Variants in COL19A1 observed in about 807,000 individuals in gnomAD.
COL19A1 encodes the protein collagen alpha-1(XIX) chain.
Under a neutral mutation model 190.2 loss-of-function variants are expected in COL19A1, and 159 were observed. That is an observed-to-expected ratio of 0.84 (90% CI 0.73 to 0.95). The LOEUF (loss-of-function observed/expected upper bound fraction) is 0.95, where lower values mean the gene tolerates loss of function less well. Ranked by LOEUF, COL19A1 falls within the 40% of genes least tolerant of loss-of-function variation. The pLI is 0.00. For synonymous variants in COL19A1, 509 were observed against 458.9 expected (o/e 1.11, Z -1.39); for missense variants, 1,418 against 1,431.9 (o/e 0.99, Z 0.16).
At chr6:69,998,107 G>T (rs1162608391) in intron 11 of COL19A1, among the ~76,000 whole-genome samples, 1 of 152,130 alleles carries the variant, frequency 6.6e-6, no homozygotes, top group Non-Finnish European at 1.5e-5. Context: ...TGTCAACTAT[G>T]AATTCTGTCT....
intron 19 of COL19A1, among the ~76,000 whole-genome samples, chr6:70,140,244 T>C (rs1786157985): frequency 1.3e-5 from 2 of 152,058 alleles, no homozygotes. Flanking sequence ...ATATCACCTA[T>C]GCATTCTCCT....
chr6:70,020,468 G>GT (rs1778356090), intron 11 of COL19A1, among the ~76,000 whole-genome samples: 1 of 151,702 alleles, frequency 6.6e-6, no homozygotes, highest in Non-Finnish European at 1.5e-5. Context: ...TTTTAAGTTG[G>GT]TTTTCTAATC....
At chr6:69,896,764 T>C (rs1769803550) in intron 2 of COL19A1, among the ~76,000 whole-genome samples, 1 of 152,166 alleles carries the variant, frequency 6.6e-6, no homozygotes, top group Admixed American at 6.5e-5. Context: ...TTCTCATATG[T>C]GGGTTGAACA....
At chr6:69,978,256 GAGAGAGAGAA>G (rs1045216609) in intron 11 of COL19A1, among the ~76,000 whole-genome samples, 47 of 152,148 alleles carry the variant, frequency 3.1e-4, no homozygotes, top group African/African-American at 8.9e-4. Flanking sequence ...TACATATATA[GAGAGAGAGAA>G]AGAGAGAGAA....
chr6:70,154,927 G>C (rs760183529), intron 31 of COL19A1, among the ~76,000 whole-genome samples: 1 of 152,084 alleles, frequency 6.6e-6, no homozygotes, highest in Non-Finnish European at 1.5e-5. Context: ...TGATTAGATG[G>C]TGCTCACCCA....
At chr6:69,885,994 A>C (rs1768903058) in intron 2 of COL19A1, among the ~76,000 whole-genome samples, 1 of 152,220 alleles carries the variant, frequency 6.6e-6, no homozygotes, top group African/African-American at 2.4e-5. Flanking sequence ...GGACTAAGTC[A>C]AACTAAAACA....
intron 14 of COL19A1, among the ~76,000 whole-genome samples, chr6:70,052,693 CTG>C (rs1336122689): frequency 1.3e-5 from 2 of 152,164 alleles, no homozygotes; most frequent in African/African-American, 2.4e-5. Context: ...AAGGGTCACT[CTG>C]TGTCTTCACT....
At chr6:69,871,477 T>G (rs946983808) in intron 1 of COL19A1, among the ~76,000 whole-genome samples, 1 of 152,206 alleles carries the variant, frequency 6.6e-6, no homozygotes, top group Non-Finnish European at 1.5e-5. Context: ...GTTCTTTGAG[T>G]CATTTAACAA....
chr6:69,924,664 C>A (rs943866894), intron 4 of COL19A1, among the ~76,000 whole-genome samples: 1 of 152,170 alleles, frequency 6.6e-6, no homozygotes, highest in African/African-American at 2.4e-5. Flanking sequence ...TCGCCACACT[C>A]TCTTCCACAA....
In COL19A1 at chr6:70,068,589, T is replaced by C. The variant is rs16868507; in HGVS notation, c.1224+113T>C. 13,051 of 606,900 alleles carry C rather than the reference T, an allele frequency of 0.022. 400 individuals carry two copies. Among genetic ancestry groups the C allele is most frequent in the Admixed American group, 0.092 (2,939 of 31,842 alleles). 37.6% of individuals were successfully genotyped at this position (606,900 alleles called of 1,614,324 possible). Reference sequence around the variant, plus strand: ...CAAGCAGATGGGCATATGGAGAGTATCAATTATCCAAAGGCTGAAATTTGA... The same window carrying C: ...CAAGCAGATGGGCATATGGAGAGTACCAATTATCCAAAGGCTGAAATTTGA... On this transcript the variant is annotated intron_variant, in intron 15 of 50. Coordinates refer to ENST00000620364, the MANE Select transcript of COL19A1 (RefSeq NM_001858.6).
At chr6:70,058,947 A>C (rs1780663862) in intron 14 of COL19A1, among the ~76,000 whole-genome samples, 1 of 152,120 alleles carries the variant, frequency 6.6e-6, no homozygotes, top group South Asian at 2.1e-4. Context: ...AAGAGAAGAA[A>C]GTGCACGTAT....
intron 4 of COL19A1, among the ~76,000 whole-genome samples, chr6:69,904,306 A>G (rs1220632164): frequency 1.3e-5 from 2 of 152,196 alleles, no homozygotes; most frequent in Non-Finnish European, 2.9e-5. Context: ...CAAACAGTCC[A>G]TATTGCTGCC....
chr6:70,024,685 T>C (rs1011692879), intron 12 of COL19A1, among the ~76,000 whole-genome samples: 2 of 152,052 alleles, frequency 1.3e-5, no homozygotes, highest in East Asian at 1.9e-4. Flanking sequence ...AGTTAATGTT[T>C]CTATGTATGT....
At chr6:69,942,791 C>A (rs889429507) in intron 9 of COL19A1, among the ~76,000 whole-genome samples, 46 of 143,616 alleles carry the variant, frequency 3.2e-4, no homozygotes, top group Admixed American at 7.6e-4. Flanking sequence ...TTTCTTTATC[C>A]ATTTATTAAT....
chr6:69,893,653 G>C (rs1769517878), intron 2 of COL19A1, among the ~76,000 whole-genome samples: 1 of 152,146 alleles, frequency 6.6e-6, no homozygotes, highest in African/African-American at 2.4e-5. Context: ...GCCATACCTT[G>C]AAATTGCCCT....
chr6:69,884,354 A>AT (rs1377995315), intron 2 of COL19A1, among the ~76,000 whole-genome samples: 5 of 152,050 alleles, frequency 3.3e-5, no homozygotes, highest in Non-Finnish European at 7.4e-5. Flanking sequence ...AAAAAAAAAA[A>AT]AGTATCAGAC....
intron 4 of COL19A1, among the ~76,000 whole-genome samples, chr6:69,927,594 A>T (rs1373938997): frequency 6.6e-6 from 1 of 152,172 alleles, no homozygotes. Context: ...AAGTCATACC[A>T]TTTTATTTCC....
chr6:70,145,071 C>T, intron 25 of COL19A1, 64 bp downstream of exon 25: 1 of 1,180,728 alleles, frequency 8.5e-7, no homozygotes, highest in Admixed American at 2.0e-5. Context: ...TTGTGGGTTC[C>T]TAGTTTCAGA....
At chr6:70,042,418 G>A (rs886256483) in intron 14 of COL19A1, among the ~76,000 whole-genome samples, 9 of 152,154 alleles carry the variant, frequency 5.9e-5, no homozygotes, top group Admixed American at 2.6e-4. Context: ...TTTATATTAT[G>A]CAAAAACAAT....
Sources: gnomAD v4.1 joint callset for allele counts (sites outside exome capture counted in the v4.1 genomes callset) on GRCh38, gnomAD v4.1.1 for gene constraint, MANE v1.5 for transcripts, NCBI Gene and HGNC (gene_info 2026-07-23, HGNC 2026-07-21) for gene names.